Variants in ATP11B observed in about 807,000 individuals in gnomAD.
The protein encoded by ATP11B is phospholipid-transporting ATPase IF.
A neutral mutation model predicts 157.8 loss-of-function variants in ATP11B; 81 were observed. The ratio of observed to expected loss-of-function variants is 0.51; its 90% CI spans 0.43 to 0.62. The LOEUF is 0.62. Among genes scored for constraint, ATP11B ranks in the 20% least tolerant of loss-of-function variants. ATP11B has a pLI of 0.00. For synonymous variants in ATP11B, 451 were observed against 469.4 expected, an observed-to-expected ratio of 0.96 and a Z score of 0.51; for missense variants, 1,165 against 1,402.2, an observed-to-expected ratio of 0.83 and a Z score of 2.70.
At chr3:182,916,149 T>A (rs1257705577) in intron 29 of ATP11B, 2 of 985,238 alleles carry the variant, frequency 2.0e-6, no homozygotes, top group African/African-American at 1.7e-5. Context: ...GCAAAGTCAT[T>A]TTGATACATA....
Position 182,866,314 on chromosome 3 carries a change from C to G in ATP11B, c.1490C>G (p.Thr497Ser). Residue 497 changes from threonine (T) to serine (S), a missense_variant, in exon 14 of 30, where the codon ACT (threonine) becomes AGT (serine). Transcript: ENST00000323116. The stretch of plus-strand genomic sequence containing the variant: ...TTTAAAGCAGTCAGTCTCTGTCACA[C>G]TGTACAGATTAGCAATGTTCAAACT... Reference protein sequence around the residue: ...LFFKAVSLCHTVQISNVQTDC... With the variant: ...LFFKAVSLCHSVQISNVQTDC... 6.2e-7 allele frequency: 1 copy of G among 1,611,816 alleles called. No individual in the cohort carries two copies. Among genetic ancestry groups the G allele is most frequent in the Non-Finnish European group, 8.5e-7 (1 of 1,178,570 alleles).
intron 28 of ATP11B, chr3:182,905,926 C>T (rs1724313410): frequency 6.6e-6 from 3 of 455,202 alleles, no homozygotes; most frequent in Non-Finnish European, 1.3e-5. Flanking sequence ...CTAGGTAGTA[C>T]TGCGCTGGAC....
chr3:182,889,918 C>T (rs1319730930), intron 25 of ATP11B, among the ~76,000 whole-genome samples: 1 of 152,120 alleles, frequency 6.6e-6, no homozygotes, highest in Non-Finnish European at 1.5e-5. Context: ...TCCATTAGTC[C>T]TCCCAATAAT....
intron 7 of ATP11B, among the ~76,000 whole-genome samples, chr3:182,841,563 T>A (rs1219440162): frequency 6.6e-6 from 1 of 152,092 alleles, no homozygotes; most frequent in Admixed American, 6.6e-5. Context: ...ATAGCTGGAG[T>A]AGAGATAGCA....
In ATP11B at chr3:182,884,763, T is replaced by G; in HGVS notation, c.2520T>G (p.Gly840=). The G allele has an allele frequency of 6.3e-7, 1 of 1,593,146 alleles. No individual in the cohort carries two copies. Among genetic ancestry groups the G allele is most frequent in the Non-Finnish European group, 8.5e-7 (1 of 1,174,644 alleles). ...TCCCTTTTATTATAGGAATCATGGGTAAAGAAGGAAGACAGGCTGCAAGAA... is the reference window on the plus strand; with the variant it reads ...TCCCTTTTATTATAGGAATCATGGGGAAAGAAGGAAGACAGGCTGCAAGAA... ...QEAHVGIGIM[G]KEGRQAARNS... The change falls in exon 22 of 30, where the codon GGT becomes GGG. Residue 840 remains glycine (G), a synonymous_variant. Transcript: ENST00000323116.
intron 21 of ATP11B, among the ~76,000 whole-genome samples, chr3:182,881,727 T>G (rs1047241849): frequency 2.0e-5 from 3 of 152,184 alleles, no homozygotes; most frequent in Non-Finnish European, 4.4e-5. Flanking sequence ...TACTTTCACA[T>G]GTTATTTTAT....
intron 2 of ATP11B, among the ~76,000 whole-genome samples, chr3:182,821,959 T>G (rs1022598309): frequency 6.6e-6 from 1 of 152,232 alleles, no homozygotes; most frequent in African/African-American, 2.4e-5. Context: ...TTCTTTGCCC[T>G]GCCCCATGTT....
intron 1 of ATP11B, among the ~76,000 whole-genome samples, chr3:182,797,495 G>C (rs1576937814): frequency 6.6e-6 from 1 of 152,166 alleles, no homozygotes. Context: ...ATCACCTGAG[G>C]TCAGGAGTTC....
At chr3:182,900,987 C>T (rs1723918235) in intron 28 of ATP11B, among the ~76,000 whole-genome samples, 2 of 151,990 alleles carry the variant, frequency 1.3e-5, no homozygotes, top group South Asian at 4.1e-4. Flanking sequence ...CGAGACCATC[C>T]TGGCCAACAT....
intron 28 of ATP11B, among the ~76,000 whole-genome samples, chr3:182,900,656 T>C (rs922505457): frequency 1.3e-5 from 2 of 152,222 alleles, no homozygotes; most frequent in Non-Finnish European, 2.9e-5. Flanking sequence ...TCCATTATAC[T>C]TACTCTAGAT....
At chr3:182,911,209 G>GCCACTCTT (rs1724756295) in intron 28 of ATP11B, among the ~76,000 whole-genome samples, 2 of 145,162 alleles carry the variant, frequency 1.4e-5, no homozygotes, top group African/African-American at 5.3e-5. Context: ...CCCACACATA[G>GCCACTCTT]CCACTCTTTC....
intron 28 of ATP11B, among the ~76,000 whole-genome samples, chr3:182,901,061 T>G (rs1054244577): frequency 1.3e-5 from 2 of 152,112 alleles, no homozygotes; most frequent in African/African-American, 4.8e-5. Flanking sequence ...CAGGCACCTC[T>G]AGTCCCAGCT....
rs942593002 is a variant in ATP11B at position 182,916,519 on chromosome 3, C to T, written c.3453-1504C>T. 27 of 985,084 alleles carry T rather than the reference C, an allele frequency of 2.7e-5. No individual in the cohort carries two copies. The African/African-American group carries it at 3.7e-4, about 13-fold the overall frequency. 61.0% of individuals were successfully genotyped at this position (985,084 alleles called of 1,614,324 possible). ...CAGTTTCAAAGAGAGCATCATGGTG[C>T]TATATAAAGAATATGCCATGTTGCA... is the stretch of plus-strand genomic sequence containing the variant. On this transcript the variant is annotated intron_variant, in intron 29 of 29. Transcript: ENST00000323116.
At chr3:182,901,998 C>T (rs1320108155) in intron 28 of ATP11B, among the ~76,000 whole-genome samples, 1 of 152,136 alleles carries the variant, frequency 6.6e-6, no homozygotes, top group African/African-American at 2.4e-5. Flanking sequence ...TACTTCTACT[C>T]AGGGATCTTC....
chr3:182,817,282 T>TTTG (rs1553796725), intron 1 of ATP11B, among the ~76,000 whole-genome samples: 2 of 152,018 alleles, frequency 1.3e-5, no homozygotes, highest in African/African-American at 4.8e-5. Flanking sequence ...CCGTTTTTTT[T>TTTG]TTTGTTTGTT....
At chr3:182,823,688 G>C (rs1042225985) in intron 2 of ATP11B, among the ~76,000 whole-genome samples, 5 of 152,106 alleles carry the variant, frequency 3.3e-5, no homozygotes, top group African/African-American at 9.7e-5. Flanking sequence ...GGCATTAAAT[G>C]TATAAATTAC....
At chr3:182,797,903 A>G (rs1252362913) in intron 1 of ATP11B, among the ~76,000 whole-genome samples, 2 of 152,070 alleles carry the variant, frequency 1.3e-5, no homozygotes, top group African/African-American at 4.8e-5. Context: ...TTCTATTTCT[A>G]TTAGTGCTGC....
At chr3:182,915,867 A>AT (rs893339206) in intron 29 of ATP11B, 2 of 967,676 alleles carry the variant, frequency 2.1e-6, no homozygotes, top group African/African-American at 3.5e-5. Flanking sequence ...TTTTTTCTGA[A>AT]TTTTTTTATT....
chr3:182,882,987 G>A (rs1399574033), intron 21 of ATP11B, among the ~76,000 whole-genome samples: 1 of 152,208 alleles, frequency 6.6e-6, no homozygotes, highest in East Asian at 1.9e-4. Flanking sequence ...CTGTCAGATT[G>A]GCATCCATTA....
Sources: gnomAD v4.1 joint callset for allele counts (sites outside exome capture counted in the v4.1 genomes callset) on GRCh38, gnomAD v4.1.1 for gene constraint, MANE v1.5 for transcripts, NCBI Gene and HGNC (gene_info 2026-07-23, HGNC 2026-07-21) for gene names.